Variants in DLGAP4 observed in about 807,000 individuals in gnomAD.
DLGAP4 encodes DLG associated protein 4, also known as disks large-associated protein 4.
DLGAP4 carries 18 observed loss-of-function variants against 86.9 expected under a neutral mutation model. That is an observed-to-expected ratio of 0.21 (90% CI 0.14 to 0.31). DLGAP4 has a LOEUF of 0.31. DLGAP4 is among the 10% of genes least tolerant of loss of function. The pLI is 1.00. For synonymous variants in DLGAP4, 548 were observed against 574.3 expected (o/e 0.95, Z 0.65); for missense variants, 1,085 against 1,362.6 (o/e 0.80, Z 3.21).
In DLGAP4 at chr20:36,468,088, T is replaced by A. The variant is rs568298563; in HGVS notation, c.1648+21151T>A. Among the ~76,000 whole-genome samples, 3 of 152,324 alleles carry A rather than the reference T, an allele frequency of 2.0e-5. No homozygotes were observed. In the East Asian group the frequency reaches 5.8e-4, roughly 29 times the overall value. ...GCCCACAAATCTTGCTTTCTAAGGA[T>A]CCTGAAGGTCAGGGTGCCAGTTTAG... is the stretch of plus-strand genomic sequence containing the variant. On this transcript the variant is annotated intron_variant, in intron 7 of 12. Transcript: ENST00000339266.
chr20:36,504,032 C>A (rs1399443602), intron 10 of DLGAP4, among the ~76,000 whole-genome samples: 1 of 152,050 alleles, frequency 6.6e-6, no homozygotes, highest in Admixed American at 6.6e-5. Context: ...ATATTCATTT[C>A]TTTTGGAGTA....
rs1438909370 is a variant in DLGAP4 at position 36,350,889 on chromosome 20, G to C, written c.-303-16156G>C. On this transcript the variant is annotated intron_variant, in intron 1 of 12. Transcript: ENST00000339266. The surrounding 1 kb of genome is among the most constrained non-coding windows in gnomAD (Gnocchi z 4.4). ...GGGGGAAGGAGGGCTGTCCCTGCCA[G>C]CACCACAAGCCCCTCACTCTGGAAT... Among the ~76,000 whole-genome samples the C allele has an allele frequency of 6.6e-6, 1 of 152,242 alleles. No individual in the cohort carries two copies. The highest frequency in any genetic ancestry group is 2.4e-5 in the African/African-American group (1 of 41,456).
At chr20:36,509,747 C>T (rs1254550200) in intron 10 of DLGAP4, among the ~76,000 whole-genome samples, 1 of 151,772 alleles carries the variant, frequency 6.6e-6, no homozygotes, top group Admixed American at 6.6e-5. Flanking sequence ...GAGACCCTGT[C>T]TCAAAAAAAC....
At chr20:36,382,294 A>G (rs1278448661) in intron 2 of DLGAP4, among the ~76,000 whole-genome samples, 1 of 151,706 alleles carries the variant, frequency 6.6e-6, no homozygotes, top group Non-Finnish European at 1.5e-5. Flanking sequence ...ATCATAGCTC[A>G]CTGCAGCCTT....
intron 2 of DLGAP4, among the ~76,000 whole-genome samples, chr20:36,373,050 G>A (rs952465647): frequency 5.9e-5 from 9 of 152,226 alleles, no homozygotes; most frequent in Admixed American, 4.6e-4. Flanking sequence ...CTCCTGCCTA[G>A]GGAGATGCTC....
chr20:36,469,894 C>G (rs1339910578), intron 7 of DLGAP4, among the ~76,000 whole-genome samples: 1 of 152,140 alleles, frequency 6.6e-6, no homozygotes, highest in Non-Finnish European at 1.5e-5. Context: ...TACCTAAGAT[C>G]CTTGTGTGAA....
intron 7 of DLGAP4, among the ~76,000 whole-genome samples, chr20:36,493,865 G>T (rs760644975): frequency 2.6e-5 from 4 of 152,270 alleles, no homozygotes; most frequent in African/African-American, 4.8e-5. Context: ...TTAGAAAGCC[G>T]CAAAGCTGCT....
intron 1 of DLGAP4, among the ~76,000 whole-genome samples, chr20:36,352,909 C>A (rs1569468185): frequency 6.6e-6 from 1 of 152,128 alleles, no homozygotes; most frequent in Non-Finnish European, 1.5e-5. Context: ...AAGAACGGGA[C>A]TCTTGCTGTC....
Position 36,439,795 on chromosome 20 carries a change from C to G in DLGAP4, c.1283C>G (p.Ser428Cys), listed in dbSNP as rs745417740. ...GATTCAGTGGACATGCTGCTGCCCT[C>G]CAAGTGTCCGAGCTGGGAAGAGGAC... The part of the protein sequence containing the change: ...RLDSVDMLLP[S>C]KCPSWEEDYT... The change falls in exon 5 of 13, where the codon TCC becomes TGC. Residue 428 changes from serine (S) to cysteine (C), a missense_variant. Physicochemically the swap from Ser to Cys is moderately radical, Grantham distance 112 (BLOSUM62 -1). Transcript: ENST00000339266. 3.0e-5 allele frequency: 49 copies of G among 1,613,794 alleles called. No individual in the cohort carries two copies. The highest frequency in any genetic ancestry group is 4.2e-5 in the Non-Finnish European group (49 of 1,180,006).
rs782795557 is a variant in DLGAP4 at position 36,308,080 on chromosome 20, C to T, written c.-304+1568C>T. Among the ~76,000 whole-genome samples the T allele has an allele frequency of 1.3e-5, 2 of 152,160 alleles. No homozygotes were observed. Among genetic ancestry groups the T allele is most frequent in the African/African-American group, 4.8e-5 (2 of 41,436 alleles). On this transcript the variant is annotated intron_variant, in intron 1 of 12. Coordinates refer to ENST00000339266, the MANE Select transcript of DLGAP4 (RefSeq NM_001365621.2). This position sits in a 1 kb window ranked among gnomAD's most constrained non-coding sequence, Gnocchi z 4.5. The stretch of plus-strand genomic sequence containing the variant: ...GTCGGGGCCAGTCAGCAGCAGACTC[C>T]GAGTGTGTTCCCAGCAGCTCCGGAG...
In DLGAP4 at chr20:36,350,449, A is replaced by G. The variant is rs1314832562; in HGVS notation, c.-303-16596A>G. On this transcript the variant is annotated intron_variant, in intron 1 of 12. Coordinates refer to ENST00000339266, the MANE Select transcript of DLGAP4 (RefSeq NM_001365621.2). This position sits in a 1 kb window ranked among gnomAD's most constrained non-coding sequence, Gnocchi z 4.4. ...CCTGCCCCATCCTGACTCCGCTGAC[A>G]CTCAGAATTCAACTTCCTTCAATAT... Among the ~76,000 whole-genome samples, 8 of 152,144 alleles carry G rather than the reference A, an allele frequency of 5.3e-5. No homozygotes were observed. Among genetic ancestry groups the G allele is most frequent in the Non-Finnish European group, 1.2e-4 (8 of 68,018 alleles).
intron 2 of DLGAP4, among the ~76,000 whole-genome samples, chr20:36,405,076 C>G (rs1223778308): frequency 6.6e-6 from 1 of 152,124 alleles, no homozygotes; most frequent in Non-Finnish European, 1.5e-5. Flanking sequence ...CTGGGAAGAG[C>G]GAATGGCATG....
At chr20:36,470,902 C>G (rs557799265) in intron 7 of DLGAP4, among the ~76,000 whole-genome samples, 30 of 152,176 alleles carry the variant, frequency 2.0e-4, no homozygotes, top group Non-Finnish European at 4.3e-4. Flanking sequence ...AGCTTGTTCT[C>G]AATCTTGCTG....
chr20:36,368,905 C>T (rs1039143465), intron 2 of DLGAP4, among the ~76,000 whole-genome samples: 1 of 152,154 alleles, frequency 6.6e-6, no homozygotes, highest in African/African-American at 2.4e-5. Context: ...GGTGAGGGCT[C>T]ATCTGTTAAC....
chr20:36,509,521 A>C (rs1227292901), intron 10 of DLGAP4, among the ~76,000 whole-genome samples: 1 of 151,790 alleles, frequency 6.6e-6, no homozygotes, highest in Admixed American at 6.6e-5. Flanking sequence ...CACTGAGCCG[A>C]GATCACACCA....
At chr20:36,316,550 C>T (rs1353753799) in intron 1 of DLGAP4, among the ~76,000 whole-genome samples, 2 of 152,172 alleles carry the variant, frequency 1.3e-5, no homozygotes, top group African/African-American at 2.4e-5. Context: ...ACCCCCACAG[C>T]GGACTAGACT....
intron 1 of DLGAP4, among the ~76,000 whole-genome samples, chr20:36,320,222 C>G: frequency 6.9e-6 from 1 of 145,568 alleles, no homozygotes; most frequent in Non-Finnish European, 1.5e-5. Flanking sequence ...TCCCCCTCCT[C>G]CAGGCCCCCC....
At chr20:36,462,187 G>T in intron 7 of DLGAP4, 1 of 1,066,142 alleles carries the variant, frequency 9.4e-7, no homozygotes, top group Non-Finnish European at 1.1e-6. Flanking sequence ...CCAAGTTGGG[G>T]TCTTTCTCCT....
At chr20:36,508,718 G>C (rs1006373073) in intron 10 of DLGAP4, 1 of 152,296 alleles carries the variant, frequency 6.6e-6, no homozygotes, top group Non-Finnish European at 1.5e-5. Context: ...GTGAGCCACT[G>C]CACTGGGGCC....
Sources: allele counts gnomAD v4.1 joint callset (sites outside exome capture counted in the v4.1 genomes callset), GRCh38; gene constraint gnomAD v4.1.1; non-coding constraint Gnocchi (gnomAD v3.1); transcripts MANE v1.5; gene names NCBI Gene and HGNC (gene_info 2026-07-23, HGNC 2026-07-21).